Variants in LHFPL3 observed in about 807,000 individuals in gnomAD.
LHFPL3 encodes the protein LHFPL tetraspan subfamily member 3, also known as LHFPL tetraspan subfamily member 3 protein.
LHFPL3 carries 5 observed loss-of-function variants against 19.3 expected under a neutral mutation model. That is an observed-to-expected ratio of 0.26 (90% CI 0.14 to 0.54). The LOEUF is 0.54. LHFPL3 is among the 20% of genes least tolerant of loss of function. LHFPL3 has a pLI of 0.94. For synonymous variants in LHFPL3, 133 were observed against 126.2 expected, an observed-to-expected ratio of 1.05 and a Z score of -0.36; for missense variants, 249 against 307.4, an observed-to-expected ratio of 0.81 and a Z score of 1.42.
intron 1 of LHFPL3, among the ~76,000 whole-genome samples, chr7:104,677,241 G>C (rs950072527): frequency 6.6e-6 from 1 of 152,074 alleles, no homozygotes; most frequent in African/African-American, 2.4e-5. Context: ...GCTGGGTGTG[G>C]TGGCATGTGC....
chr7:104,746,956 G>T (rs1794057362), intron 2 of LHFPL3, among the ~76,000 whole-genome samples: 1 of 152,140 alleles, frequency 6.6e-6, no homozygotes, highest in Non-Finnish European at 1.5e-5. Flanking sequence ...GCCTCATGAA[G>T]ATCTGGAGAT....
intron 1 of LHFPL3, among the ~76,000 whole-genome samples, chr7:104,582,852 A>C (rs913337102): frequency 6.6e-6 from 1 of 151,874 alleles, no homozygotes; most frequent in African/African-American, 2.4e-5. Context: ...TGTTTTGCTA[A>C]GGATTTTTGC....
At position 104,779,485 on chromosome 7, in the gene LHFPL3, G is replaced by A. The variant is rs573326126; in HGVS notation, c.682+42574G>A. Among the ~76,000 whole-genome samples, 6 of 152,238 alleles carry A rather than the reference G, an allele frequency of 3.9e-5. No individual in the cohort carries two copies. In the South Asian group the frequency reaches 1.0e-3, roughly 26 times the overall value. ...AATTATTCCTTCCATGGGAGTCTGT[G>A]ACGCCCAGGATGCCTCTTGGTTAGA... On this transcript the variant is annotated intron_variant, in intron 2 of 2. Coordinates refer to ENST00000424859, the MANE Select transcript of LHFPL3 (RefSeq NM_199000.3).
At chr7:104,352,722 G>C (rs928210698) in intron 1 of LHFPL3, among the ~76,000 whole-genome samples, 15 of 152,232 alleles carry the variant, frequency 9.9e-5, no homozygotes, top group African/African-American at 3.4e-4. Context: ...CAATAAGTCT[G>C]TTTCTCCAGG....
chr7:104,695,664 C>T (rs1025169615), intron 1 of LHFPL3, among the ~76,000 whole-genome samples: 1 of 152,188 alleles, frequency 6.6e-6, no homozygotes, highest in Admixed American at 6.5e-5. Flanking sequence ...AATAGGGTGA[C>T]AAGAGGAAGG....
At chr7:104,425,861 T>C (rs1791834239) in intron 1 of LHFPL3, among the ~76,000 whole-genome samples, 2 of 152,344 alleles carry the variant, frequency 1.3e-5, no homozygotes, top group East Asian at 1.9e-4. Context: ...ATCTCATTTT[T>C]AGTCTGTTGC....
intron 1 of LHFPL3, among the ~76,000 whole-genome samples, chr7:104,710,575 C>A (rs933508087): frequency 2.0e-5 from 3 of 152,044 alleles, no homozygotes; most frequent in Non-Finnish European, 1.5e-5. Flanking sequence ...CCAGACTACC[C>A]GAGGCATCAA....
At chr7:104,473,117 A>G (rs1022503240) in intron 1 of LHFPL3, among the ~76,000 whole-genome samples, 1 of 152,242 alleles carries the variant, frequency 6.6e-6, no homozygotes, top group Non-Finnish European at 1.5e-5. Flanking sequence ...ATGGCTCAGC[A>G]TTACACTGAC....
intron 2 of LHFPL3, among the ~76,000 whole-genome samples, chr7:104,823,575 C>T (rs915811597): frequency 1.3e-5 from 2 of 152,070 alleles, no homozygotes; most frequent in African/African-American, 2.4e-5. Flanking sequence ...CACAGTTTTC[C>T]GTGCTTTAGC....
chr7:104,734,090 A>C (rs183566212), intron 1 of LHFPL3, among the ~76,000 whole-genome samples: 4 of 152,314 alleles, frequency 2.6e-5, no homozygotes, highest in South Asian at 2.1e-4. Flanking sequence ...CTGAGAGATC[A>C]GCTGTTAGTC....
chr7:104,464,087 A>G (rs1296359041), intron 1 of LHFPL3, among the ~76,000 whole-genome samples: 1 of 152,234 alleles, frequency 6.6e-6, no homozygotes, highest in East Asian at 1.9e-4. Context: ...CACGGATTCC[A>G]AATAGGAGAA....
chr7:104,659,084 C>A (rs964137028), intron 1 of LHFPL3, among the ~76,000 whole-genome samples: 3 of 152,204 alleles, frequency 2.0e-5, no homozygotes, highest in African/African-American at 4.8e-5. Context: ...CAGTTCTGTG[C>A]CTTTGCATGT....
intron 2 of LHFPL3, among the ~76,000 whole-genome samples, chr7:104,886,666 C>G (rs1430938576): frequency 6.6e-6 from 1 of 152,202 alleles, no homozygotes; most frequent in Non-Finnish European, 1.5e-5. Context: ...CGCCCAGCCT[C>G]TTTTTACATA....
At chr7:104,600,778 T>A (rs1162493980) in intron 1 of LHFPL3, among the ~76,000 whole-genome samples, 2 of 152,180 alleles carry the variant, frequency 1.3e-5, no homozygotes, top group Admixed American at 6.5e-5. Flanking sequence ...AGTGTACCTG[T>A]GATTTGGAGT....
chr7:104,333,540 G>T (rs1458520198), intron 1 of LHFPL3, among the ~76,000 whole-genome samples: 1 of 152,232 alleles, frequency 6.6e-6, no homozygotes. Context: ...TATGGCAAGG[G>T]GTAAGGGTTG....
intron 2 of LHFPL3, among the ~76,000 whole-genome samples, chr7:104,817,840 T>C (rs976093470): frequency 2.0e-4 from 30 of 152,208 alleles, no homozygotes; most frequent in African/African-American, 7.2e-4. Context: ...AATCCTCCCA[T>C]TGCTGACTGA....
At chr7:104,455,538 C>T (rs1004028381) in intron 1 of LHFPL3, among the ~76,000 whole-genome samples, 10 of 152,008 alleles carry the variant, frequency 6.6e-5, no homozygotes, top group Non-Finnish European at 1.2e-4. Flanking sequence ...CTGGCCAACA[C>T]GGTGAAACCT....
At chr7:104,574,801 T>G (rs1790292805) in intron 1 of LHFPL3, among the ~76,000 whole-genome samples, 1 of 152,208 alleles carries the variant, frequency 6.6e-6, no homozygotes, top group African/African-American at 2.4e-5. Context: ...CTTAGGGTTT[T>G]GATACTGGCA....
intron 1 of LHFPL3, among the ~76,000 whole-genome samples, chr7:104,521,861 G>A (rs1794070640): frequency 6.6e-6 from 1 of 152,088 alleles, no homozygotes; most frequent in African/African-American, 2.4e-5. Flanking sequence ...TAGTTAGAAT[G>A]GCAATCATTA....
Sources: gnomAD v4.1 joint callset for allele counts (sites outside exome capture counted in the v4.1 genomes callset) on GRCh38, gnomAD v4.1.1 for gene constraint, MANE v1.5 for transcripts, NCBI Gene and HGNC (gene_info 2026-07-23, HGNC 2026-07-21) for gene names.